Variants in BLNK observed in about 807,000 individuals in gnomAD.
The protein encoded by BLNK is B-cell linker protein.
In BLNK, 29 loss-of-function variants were observed where a neutral mutation model predicts 73.5. That is an observed-to-expected ratio of 0.39 (90% CI 0.29 to 0.54). The LOEUF (loss-of-function observed/expected upper bound fraction) is 0.54. BLNK is among the 20% of genes least tolerant of loss of function. The pLI, the probability that BLNK is intolerant of heterozygous loss-of-function variation, is 0.61. For synonymous variants in BLNK, 176 were observed against 200.8 expected, an observed-to-expected ratio of 0.88 and a Z score of 1.04; for missense variants, 460 against 562.8, an observed-to-expected ratio of 0.82 and a Z score of 1.85.
intron 16 of BLNK, among the ~76,000 whole-genome samples, chr10:96,193,472 G>C (rs782375917): frequency 6.6e-6 from 1 of 152,172 alleles, no homozygotes; most frequent in Non-Finnish European, 1.5e-5. Flanking sequence ...GTATTGCCTT[G>C]TTGTGGTGTT....
chr10:96,201,910 T>C (rs1426151803), intron 13 of BLNK, among the ~76,000 whole-genome samples: 1 of 152,064 alleles, frequency 6.6e-6, no homozygotes, highest in Non-Finnish European at 1.5e-5. Flanking sequence ...ATATATATAA[T>C]GTTAGAGGGT....
Position 96,200,369 on chromosome 10 carries a change from A to G in BLNK, c.1012-211T>C, listed in dbSNP as rs1285287672. Among the ~76,000 whole-genome samples the G allele has an allele frequency of 6.6e-6, 1 of 152,124 alleles. No homozygotes were observed. Among genetic ancestry groups the G allele is most frequent in the Non-Finnish European group, 1.5e-5 (1 of 68,010 alleles). ...ATTTTTTTTTCATTTGGCCTTAGCT[A>G]GGTTCCTGAATTATTTCTTTCTTTC... On this transcript the variant is annotated intron_variant, in intron 14 of 16. Transcript: ENST00000224337. The surrounding 1 kb of genome is among the most constrained non-coding windows in gnomAD (Gnocchi z 4.3).
intron 15 of BLNK, among the ~76,000 whole-genome samples, chr10:96,197,506 T>C (rs11188659): frequency 0.39 from 59,116 of 151,912 alleles, 12,301 homozygotes; most frequent in Middle Eastern, 0.6. Flanking sequence ...TAAGGTTTTA[T>C]GTTTATAAAA....
At chr10:96,209,975 G>GCCAGAGAGGCCA in intron 8 of BLNK, 68 bp from the exon 9 acceptor site, 1 of 1,524,696 alleles carries the variant, frequency 6.6e-7, no homozygotes, top group South Asian at 1.1e-5. Context: ...CACTGAGGCT[G>GCCAGAGAGGCCA]GCCTCTCTGG....
chr10:96,232,088 A>G (rs1049350485), intron 3 of BLNK, among the ~76,000 whole-genome samples: 1 of 152,234 alleles, frequency 6.6e-6, no homozygotes, highest in African/African-American at 2.4e-5. Context: ...CATCTAGCCT[A>G]TCACATAAAC....
At chr10:96,209,781 G>A (rs1249569404) in intron 9 of BLNK, 57 bp downstream of exon 9, 8 of 1,596,404 alleles carry the variant, frequency 5.0e-6, no homozygotes, top group Non-Finnish European at 6.9e-6. Context: ...GGGCAGTGGG[G>A]TATCACCATC....
chr10:96,265,314 C>G (rs1843953038), intron 1 of BLNK, among the ~76,000 whole-genome samples: 1 of 152,016 alleles, frequency 6.6e-6, no homozygotes, highest in African/African-American at 2.4e-5. Context: ...GACTCACAAG[C>G]CCTTGAACTT....
chr10:96,262,051 C>T (rs1175280771), intron 1 of BLNK, among the ~76,000 whole-genome samples: 1 of 152,170 alleles, frequency 6.6e-6, no homozygotes, highest in African/African-American at 2.4e-5. Context: ...TGGTCTCCCA[C>T]CTCTGGCCTT....
At chr10:96,215,001 T>A (rs79049066) in intron 8 of BLNK, among the ~76,000 whole-genome samples, 5 of 152,060 alleles carry the variant, frequency 3.3e-5, no homozygotes, top group Non-Finnish European at 7.4e-5. Flanking sequence ...GTAACCATCA[T>A]GATGTTCTGA....
Position 96,247,063 on chromosome 10 carries a change from A to C in BLNK, c.48-14T>G. On this transcript the variant is annotated splice_polypyrimidine_tract_variant and intron_variant, in intron 1 of 16. Coordinates refer to ENST00000224337, the MANE Select transcript of BLNK (RefSeq NM_013314.4). ...TTTTGAAGCTGCCTGTAAAAAACAA[A>C]ATTAAACATAAGATATTAATAACCA... The C allele has an allele frequency of 6.4e-7, 1 of 1,570,168 alleles. No individual in the cohort carries two copies. Among genetic ancestry groups the C allele is most frequent in the Non-Finnish European group, 8.7e-7 (1 of 1,148,038 alleles).
intron 1 of BLNK, among the ~76,000 whole-genome samples, chr10:96,250,291 G>A (rs1243246067): frequency 4.6e-5 from 7 of 152,104 alleles, no homozygotes; most frequent in Non-Finnish European, 1.0e-4. Context: ...TATACTCTAT[G>A]CCAAACCCTT....
At chr10:96,268,061 A>G (rs1473436764) in intron 1 of BLNK, among the ~76,000 whole-genome samples, 1 of 152,182 alleles carries the variant, frequency 6.6e-6, no homozygotes, top group Non-Finnish European at 1.5e-5. Context: ...TTCTAATGGA[A>G]AAATGCCATA....
chr10:96,266,363 G>T (rs183958725), intron 1 of BLNK, among the ~76,000 whole-genome samples: 1 of 152,220 alleles, frequency 6.6e-6, no homozygotes, highest in African/African-American at 2.4e-5. Flanking sequence ...GAAGAGGAAG[G>T]TGTTGTTCAG....
At chr10:96,259,798 C>T (rs542251115) in intron 1 of BLNK, among the ~76,000 whole-genome samples, 1 of 147,082 alleles carries the variant, frequency 6.8e-6, no homozygotes, top group Non-Finnish European at 1.5e-5. Flanking sequence ...ATTGGGCTGA[C>T]TTGGCACAAG....
chr10:96,240,096 T>C (rs2134072491), intron 3 of BLNK, among the ~76,000 whole-genome samples: 1 of 152,324 alleles, frequency 6.6e-6, no homozygotes, highest in Admixed American at 6.5e-5. Context: ...TTCCCCACCA[T>C]TGCACTCTTC....
intron 1 of BLNK, among the ~76,000 whole-genome samples, chr10:96,259,670 C>CTTTTTTTTTTTTTTTTTTTTTTTTTT (rs57821919): frequency 1.8e-3 from 81 of 44,872 alleles, no homozygotes; most frequent in African/African-American, 2.2e-3. Flanking sequence ...CACACCCTAC[C>CTTTTTTTTTTTTTTTTTTTTTTTTTT]TTTTTTTTTT....
At chr10:96,242,689 A>G (rs781832530) in intron 3 of BLNK, 46 bp downstream of exon 3, 3 of 1,539,492 alleles carry the variant, frequency 1.9e-6, no homozygotes, top group Admixed American at 1.7e-5. Flanking sequence ...AAATATGAAC[A>G]TTAAATTAGT....
At chr10:96,203,027 C>T (rs898146970) in intron 13 of BLNK, among the ~76,000 whole-genome samples, 6 of 152,266 alleles carry the variant, frequency 3.9e-5, no homozygotes, top group South Asian at 2.1e-4. Context: ...TCAGCATTTA[C>T]CTGATATGAT....
intron 16 of BLNK, among the ~76,000 whole-genome samples, chr10:96,195,512 CA>C (rs1466339687): frequency 1.3e-5 from 2 of 152,214 alleles, no homozygotes; most frequent in African/African-American, 4.8e-5. Flanking sequence ...CATGCTACAA[CA>C]TGGATGAGTC....
Sources: allele counts gnomAD v4.1 joint callset (sites outside exome capture counted in the v4.1 genomes callset), GRCh38; gene constraint gnomAD v4.1.1; non-coding constraint Gnocchi (gnomAD v3.1); transcripts MANE v1.5; gene names NCBI Gene and HGNC (gene_info 2026-07-23, HGNC 2026-07-21).